Variants in RARB observed in about 807,000 individuals in gnomAD.
RARB encodes the protein HBV-activated protein.
A neutral mutation model predicts 51.9 loss-of-function variants in RARB; 17 were observed. The ratio of observed to expected loss-of-function variants is 0.33; its 90% CI spans 0.22 to 0.49. The LOEUF is 0.49. Among genes scored for constraint, RARB ranks in the 20% least tolerant of loss-of-function variants. The probability of loss-of-function intolerance (pLI) is 0.99; values close to 1 mark genes in which losing one functional copy is unlikely to be tolerated. For synonymous variants in RARB, 215 were observed against 195.4 expected (o/e 1.10, Z -0.84); for missense variants, 369 against 550.8 (o/e 0.67, Z 3.30).
intron 5 of RARB, among the ~76,000 whole-genome samples, chr3:25,250,908 T>G (rs322708): frequency 0.53 from 80,828 of 151,888 alleles, 22,639 homozygotes; most frequent in African/African-American, 0.71. Context: ...AGCAATTGGG[T>G]GTTGTTCACT....
chr3:25,058,443 T>C (rs1391805257), intron 2 of RARB, among the ~76,000 whole-genome samples: 1 of 151,770 alleles, frequency 6.6e-6, no homozygotes, highest in Non-Finnish European at 1.5e-5. Context: ...TTCTGTCCTT[T>C]TATCTCTGGC....
intron 5 of RARB, among the ~76,000 whole-genome samples, chr3:25,228,569 T>TA (rs1363550838): frequency 6.6e-6 from 1 of 152,074 alleles, no homozygotes; most frequent in Non-Finnish European, 1.5e-5. Context: ...TCCATTTTTT[T>TA]AATCAGAGAG....
intron 1 of RARB, among the ~76,000 whole-genome samples, chr3:25,447,587 G>T (rs562437546): frequency 6.6e-6 from 1 of 152,308 alleles, no homozygotes; most frequent in East Asian, 1.9e-4. Context: ...AATGATTTGG[G>T]ACTTTGGGTT....
At chr3:25,106,371 A>T (rs1422048001) in intron 3 of RARB, among the ~76,000 whole-genome samples, 2 of 145,004 alleles carry the variant, frequency 1.4e-5, no homozygotes, top group African/African-American at 5.1e-5. Context: ...GACCCCTCAG[A>T]TTCAGGTGAT....
intron 3 of RARB, among the ~76,000 whole-genome samples, chr3:25,537,843 T>C (rs1699207938): frequency 6.6e-6 from 1 of 152,166 alleles, no homozygotes; most frequent in Non-Finnish European, 1.5e-5. Context: ...CCTACCTCTT[T>C]TCTCTCCTCA....
chr3:25,239,478 A>G (rs1702379141), intron 5 of RARB, among the ~76,000 whole-genome samples: 1 of 152,016 alleles, frequency 6.6e-6, no homozygotes, highest in South Asian at 2.1e-4. Context: ...TTATTTTTCA[A>G]TTTGATGAGA....
chr3:25,476,604 A>T (rs1487352996), intron 2 of RARB, among the ~76,000 whole-genome samples: 1 of 152,118 alleles, frequency 6.6e-6, no homozygotes, highest in Admixed American at 6.5e-5. Flanking sequence ...ATCTTTCTAC[A>T]GTCTCCCCTG....
intron 2 of RARB, among the ~76,000 whole-genome samples, chr3:24,954,981 T>C (rs1388519661): frequency 1.3e-5 from 2 of 152,152 alleles, no homozygotes; most frequent in East Asian, 1.9e-4. Context: ...TTGCTGTCCA[T>C]GGACTGCTAA....
chr3:25,319,889 A>G (rs1232635043), intron 5 of RARB, among the ~76,000 whole-genome samples: 2 of 152,208 alleles, frequency 1.3e-5, no homozygotes, highest in Admixed American at 1.3e-4. Context: ...TCTAGCCTAG[A>G]ACTATTCATG....
Position 25,197,889 on chromosome 3 carries a change from A to T in RARB, c.178+23314A>T, listed in dbSNP as rs555120091. 1.8e-3 allele frequency among the ~76,000 whole-genome samples: 274 copies of T among 152,196 alleles called. 1 individual carries two copies. The highest frequency in any genetic ancestry group is 6.4e-3 in the African/African-American group (266 of 41,560). ...AATCTGCAGATTCAGAGCAATCCCT[A>T]GCAAAATACCAATGACATTCTTCAC... On this transcript the variant is annotated intron_variant, in intron 5 of 11. Transcript: ENST00000383772.
chr3:24,905,630 G>A (rs747725737), intron 2 of RARB, among the ~76,000 whole-genome samples: 16 of 152,316 alleles, frequency 1.1e-4, no homozygotes, highest in South Asian at 4.1e-4. Context: ...TTTGTTTATT[G>A]CCTTTCTTTC....
chr3:24,944,921 GT>G (rs943811230), intron 2 of RARB, among the ~76,000 whole-genome samples: 16 of 152,136 alleles, frequency 1.1e-4, no homozygotes, highest in Non-Finnish European at 4.4e-5. Context: ...AACATTAAGG[GT>G]TTGGAGGAGC....
intron 4 of RARB, among the ~76,000 whole-genome samples, chr3:25,149,971 G>A (rs1700256470): frequency 6.6e-6 from 1 of 152,090 alleles, no homozygotes; most frequent in East Asian, 1.9e-4. Flanking sequence ...AGAGGCCGAG[G>A]TAGGTGGATC....
chr3:25,081,985 T>C (rs528726878), intron 3 of RARB, among the ~76,000 whole-genome samples: 2 of 152,210 alleles, frequency 1.3e-5, no homozygotes, highest in South Asian at 4.1e-4. Flanking sequence ...TTTAGGATTT[T>C]TATATCTTCC....
intron 2 of RARB, among the ~76,000 whole-genome samples, chr3:24,941,863 GC>G (rs1043566810): frequency 1.3e-5 from 2 of 152,144 alleles, no homozygotes; most frequent in Non-Finnish European, 1.5e-5. Flanking sequence ...CAGTTAGGAG[GC>G]CAAAAACTTA....
intron 5 of RARB, among the ~76,000 whole-genome samples, chr3:25,338,594 A>G (rs1387468312): frequency 2.0e-5 from 3 of 152,130 alleles, no homozygotes; most frequent in Non-Finnish European, 2.9e-5. Flanking sequence ...CCTTTTAACC[A>G]TAGGGAAGTT....
intron 5 of RARB, among the ~76,000 whole-genome samples, chr3:25,387,331 A>G (rs983272492): frequency 1.3e-5 from 2 of 152,092 alleles, no homozygotes; most frequent in African/African-American, 4.8e-5. Context: ...AGAAGACATA[A>G]TGGGAAGTGT....
rs142685096 is a variant in RARB, at chr3:24,871,786, T to A, written c.-380+13034T>A. On this transcript the variant is annotated intron_variant, in intron 2 of 11. Transcript: ENST00000383772. ...ATGTATGGCTTCTCAGTTTCTGTTA[T>A]TGGTGACTTTATTCCTTAAACTAAT... Among the ~76,000 whole-genome samples the A allele has an allele frequency of 3.5e-3, 537 of 152,324 alleles. 2 individuals are homozygous for A. Among genetic ancestry groups the A allele is most frequent in the Middle Eastern group, 0.01 (3 of 294 alleles).
intron 2 of RARB, among the ~76,000 whole-genome samples, chr3:25,025,619 C>T (rs947640718): frequency 1.2e-4 from 19 of 152,134 alleles, no homozygotes; most frequent in Admixed American, 6.5e-5. Context: ...AAGTGGCCTA[C>T]CTAGGGAATA....
Sources: allele counts gnomAD v4.1 joint callset (sites outside exome capture counted in the v4.1 genomes callset), GRCh38; gene constraint gnomAD v4.1.1; transcripts MANE v1.5; gene names NCBI Gene and HGNC (gene_info 2026-07-23, HGNC 2026-07-21).